FAM120C: variants seen among roughly 807,000 people sequenced by gnomAD.
FAM120C encodes family with sequence similarity 120 member C.
In FAM120C, 14 loss-of-function variants were observed where a neutral mutation model predicts 71.2. The ratio of observed to expected loss-of-function variants is 0.20; its 90% CI spans 0.13 to 0.31. FAM120C has a LOEUF of 0.31. Among genes scored for constraint, FAM120C ranks in the 10% least tolerant of loss-of-function variants. The pLI is 1.00. For missense variants in FAM120C, 500 were observed against 879.0 expected, an observed-to-expected ratio of 0.57 and a Z score of 5.45; for synonymous variants, 354 against 353.2, an observed-to-expected ratio of 1.00 and a Z score of -0.03.
At chrX:54,079,187 G>A (rs1381602881) in intron 15 of FAM120C, among the ~76,000 whole-genome samples, 4 of 104,994 alleles carry the variant, frequency 3.8e-5, no homozygotes, top group East Asian at 3.0e-4. Context: ...GTGTGAACCC[G>A]GGAGGCGGAG....
chrX:54,175,087 T>C (rs782533227), intron 1 of FAM120C, among the ~76,000 whole-genome samples: 2 of 111,557 alleles, frequency 1.8e-5, no homozygotes, highest in South Asian at 7.7e-4. Context: ...CAACACTCCT[T>C]ATCTCACTTC....
chrX:54,094,261 C>G (rs1366377296), intron 10 of FAM120C, among the ~76,000 whole-genome samples: 1 of 107,898 alleles, frequency 9.3e-6, no homozygotes, highest in Non-Finnish European at 1.9e-5. Context: ...CCACGCCTGG[C>G]TAATTTTTTG....
Position 54,080,935 on chromosome X carries a change from C to T in FAM120C, c.2978+387G>A, listed in dbSNP as rs2066761587. ...CTGTAATCCCAGCACTTTGGAAAGCCAAGACGGGAGGATTGTTTGAGCCCA... is the reference window on the plus strand; with the variant it reads ...CTGTAATCCCAGCACTTTGGAAAGCTAAGACGGGAGGATTGTTTGAGCCCA... On this transcript the variant is annotated intron_variant, in intron 14 of 15. Coordinates refer to ENST00000375180, the MANE Select transcript of FAM120C (RefSeq NM_017848.6). 4.6e-5 allele frequency among the ~76,000 whole-genome samples: 5 copies of T among 109,823 alleles called. No homozygotes were observed. The South Asian group carries it at 2.0e-3, about 43-fold the overall frequency.
intron 1 of FAM120C, among the ~76,000 whole-genome samples, chrX:54,181,290 G>A (rs2146657614): frequency 9.0e-6 from 1 of 111,015 alleles, no homozygotes; most frequent in East Asian, 2.8e-4. Context: ...CTAACTGTAA[G>A]GACAACCCCC....
intron 2 of FAM120C, 65 bp downstream of exon 2, chrX:54,159,305 C>A: frequency 1.7e-6 from 2 of 1,171,665 alleles, no homozygotes; most frequent in South Asian, 1.8e-5. Flanking sequence ...TCACTCTAGT[C>A]CTCATCTCTT....
Position 54,116,763 on chromosome X carries a change from G to A in FAM120C, c.2094C>T (p.Ala698=), listed in dbSNP as rs868972212. The A allele has an allele frequency of 9.1e-6, 11 of 1,209,385 alleles. No homozygotes were observed. The highest frequency in any genetic ancestry group is 2.3e-4 in the Middle Eastern group (1 of 4,370). ...VPSVILKEWS[A]YKGKSPQTPE... ...GGGTTTGAGGTGACTTCCCTTTATA[G>A]GCAGACCACTCTTTAAGGATCACTG... The change falls in exon 10 of 16, where the codon GCC becomes GCT. Residue 698 remains alanine, a synonymous_variant. Coordinates refer to ENST00000375180, the MANE Select transcript of FAM120C (RefSeq NM_017848.6).
chrX:54,081,783 AAAAAAAAAGAAGAAG>A (rs1434875955), intron 13 of FAM120C, among the ~76,000 whole-genome samples: 1 of 107,433 alleles, frequency 9.3e-6, no homozygotes, highest in Non-Finnish European at 1.9e-5. Flanking sequence ...TGAAAAAAAA[AAAAAAAAAGAAGAAG>A]AAAAAAGAAT....
At chrX:54,105,036 G>A (rs1557124617) in intron 10 of FAM120C, among the ~76,000 whole-genome samples, 1 of 111,107 alleles carries the variant, frequency 9.0e-6, no homozygotes, top group African/African-American at 3.3e-5. Flanking sequence ...GAAAAAGAGG[G>A]AATCCTCCCT....
intron 1 of FAM120C, among the ~76,000 whole-genome samples, chrX:54,172,158 G>A (rs1207060290): frequency 2.7e-5 from 3 of 112,451 alleles, no homozygotes; most frequent in Non-Finnish European, 3.8e-5. Flanking sequence ...TATTCATAGT[G>A]TCTAGATGAG....
chrX:54,129,270 G>A (rs1282030880), intron 9 of FAM120C, among the ~76,000 whole-genome samples: 4 of 107,709 alleles, frequency 3.7e-5, no homozygotes, highest in East Asian at 3.1e-4. Flanking sequence ...CAGACGGGGC[G>A]GCTGCCGGGC....
At chrX:54,129,280 C>A (rs782427532) in intron 9 of FAM120C, among the ~76,000 whole-genome samples, 12 of 102,097 alleles carry the variant, frequency 1.2e-4, no homozygotes, top group Non-Finnish European at 2.2e-4. Context: ...GGCTGCCGGG[C>A]GGAGGGTCTC....
At chrX:54,167,795 T>C (rs2067267269) in intron 1 of FAM120C, among the ~76,000 whole-genome samples, 1 of 87,310 alleles carries the variant, frequency 1.1e-5, no homozygotes, top group African/African-American at 6.9e-5. Context: ...TGAAACCCCG[T>C]CTCTATTTAA....
chrX:54,160,665 T>C (rs1314330950), intron 1 of FAM120C, among the ~76,000 whole-genome samples: 1 of 111,866 alleles, frequency 8.9e-6, no homozygotes, highest in Non-Finnish European at 1.9e-5. Context: ...TTCCTGGCTC[T>C]CACATAAGAC....
Position 54,116,524 on chromosome X carries a change from C to T in FAM120C, c.2312+21G>A, listed in dbSNP as rs1348254683. 6 of 1,194,268 alleles carry T rather than the reference C, an allele frequency of 5.0e-6. No homozygotes were observed. The East Asian group carries it at 1.8e-4, about 36-fold the overall frequency. On this transcript the variant is annotated intron_variant, in intron 10 of 15. Coordinates refer to ENST00000375180, the MANE Select transcript of FAM120C (RefSeq NM_017848.6). ...AAAGTAAAAGAGAAAGAACAGGCCA[C>T]CTGCCTGTCAGGTAGCTTACCGGAG...
intron 10 of FAM120C, among the ~76,000 whole-genome samples, chrX:54,094,801 G>A (rs1304529803): frequency 9.1e-6 from 1 of 110,434 alleles, no homozygotes; most frequent in East Asian, 2.9e-4. Flanking sequence ...GGAGGCTGAG[G>A]CAGGAGGGCA....
At chrX:54,083,779 T>C (rs1015090774) in intron 13 of FAM120C, among the ~76,000 whole-genome samples, 6 of 111,228 alleles carry the variant, frequency 5.4e-5, no homozygotes, top group African/African-American at 2.0e-4. Context: ...GTGCAGTGGC[T>C]CGATCTTGGC....
chrX:54,127,844 G>A (rs2067036447), intron 9 of FAM120C, among the ~76,000 whole-genome samples: 1 of 109,765 alleles, frequency 9.1e-6, no homozygotes, highest in Non-Finnish European at 1.9e-5. Flanking sequence ...CTTCCCACTT[G>A]GGCCTCCCTA....
At chrX:54,163,892 G>A (rs1046179849) in intron 1 of FAM120C, among the ~76,000 whole-genome samples, 14 of 108,116 alleles carry the variant, frequency 1.3e-4, no homozygotes, top group Non-Finnish European at 2.5e-4. Flanking sequence ...TGTTGTGTGT[G>A]TGTGTGTGTG....
intron 2 of FAM120C, among the ~76,000 whole-genome samples, chrX:54,158,884 T>A (rs1466550152): frequency 8.9e-6 from 1 of 111,846 alleles, no homozygotes; most frequent in Non-Finnish European, 1.9e-5. Context: ...GGATATAGGG[T>A]TTTTACTGCA....
Sources: gnomAD v4.1 joint callset for allele counts (sites outside exome capture counted in the v4.1 genomes callset) on GRCh38, gnomAD v4.1.1 for gene constraint, MANE v1.5 for transcripts, NCBI Gene and HGNC (gene_info 2026-07-23, HGNC 2026-07-21) for gene names.